Variants in TP63 observed in about 807,000 individuals in gnomAD.
The protein encoded by TP63 is tumor protein p63, also known as tumor protein 63.
A neutral mutation model predicts 82.8 loss-of-function variants in TP63; 17 were observed. That is an observed-to-expected ratio of 0.21 (90% CI 0.14 to 0.31). The LOEUF is 0.31. TP63 is among the 10% of genes least tolerant of loss of function. TP63 has a pLI of 1.00. For missense variants in TP63, 648 were observed against 895.3 expected (o/e 0.72, Z 3.52); for synonymous variants, 330 against 321.7 (o/e 1.03, Z -0.28).
chr3:189,717,200 G>A (rs1178420524), intron 1 of TP63, among the ~76,000 whole-genome samples: 1 of 152,066 alleles, frequency 6.6e-6, no homozygotes, highest in Non-Finnish European at 1.5e-5. Context: ...CACACACACA[G>A]TGTTTGCTGT....
At chr3:189,844,618 A>G (rs781204497) in intron 4 of TP63, among the ~76,000 whole-genome samples, 1 of 152,172 alleles carries the variant, frequency 6.6e-6, no homozygotes, top group Admixed American at 6.5e-5. Flanking sequence ...AAAAAATAAT[A>G]TCTTTCTCGA....
chr3:189,855,430 CTGTTT>C lies in TP63; in HGVS notation c.580-8800_580-8796del, dbSNP rs532932346. Among the ~76,000 whole-genome samples the C allele has an allele frequency of 2.2e-3, 334 of 152,222 alleles. 1 individual carries two copies. Among genetic ancestry groups the C allele is most frequent in the African/African-American group, 7.6e-3 (316 of 41,554 alleles). On this transcript the variant is annotated intron_variant, in intron 4 of 13. Transcript: ENST00000264731. The stretch of plus-strand genomic sequence containing the variant: ...TGAAATGTACATTGACTCAATTACT[CTGTTT>C]TAAGAGATCTATCTAAAGCCAATTT...
At chr3:189,851,253 T>A (rs925016196) in intron 4 of TP63, among the ~76,000 whole-genome samples, 2 of 152,194 alleles carry the variant, frequency 1.3e-5, no homozygotes, top group Non-Finnish European at 2.9e-5. Context: ...CGCAAAGCAG[T>A]CTGCCTTTAA....
upstream of TP63, among the ~76,000 whole-genome samples, chr3:189,628,448 T>C (rs976341467): frequency 6.6e-6 from 1 of 152,120 alleles, no homozygotes; most frequent in Non-Finnish European, 1.5e-5. Flanking sequence ...TGTTCTTGGC[T>C]CCTAGGAGTC....
intron 1 of TP63, among the ~76,000 whole-genome samples, chr3:189,730,359 G>C (rs1206177322): frequency 6.6e-6 from 1 of 152,050 alleles, no homozygotes; most frequent in South Asian, 2.1e-4. Flanking sequence ...CAATTTTCTG[G>C]TCATATCGTG....
chr3:189,844,114 CCTG>C, intron 4 of TP63: 1 of 304,538 alleles, frequency 3.3e-6, no homozygotes, highest in South Asian at 2.5e-5. Flanking sequence ...AACACATTGA[CCTG>C]ATGTTTATTA....
At chr3:189,868,058 G>T in intron 7 of TP63, 116 bp downstream of exon 7, 1 of 860,360 alleles carries the variant, frequency 1.2e-6, no homozygotes, top group South Asian at 1.4e-5. Context: ...CTTGTCCTTT[G>T]TGCTCTAAAT....
intron 1 of TP63, among the ~76,000 whole-genome samples, chr3:189,658,578 C>G (rs1296109487): frequency 1.3e-5 from 2 of 151,954 alleles, no homozygotes; most frequent in Non-Finnish European, 2.9e-5. Context: ...CCTTGGTTTT[C>G]TTTTAAAAAT....
chr3:189,615,180 A>T, the TP63 span, among the ~76,000 whole-genome samples: 2 of 152,194 alleles, frequency 1.3e-5, no homozygotes, highest in Admixed American at 1.3e-4. Flanking sequence ...TGGCTTCTGA[A>T]TATGTAAGAC....
chr3:189,643,208 C>T (rs865852528), intron 1 of TP63, among the ~76,000 whole-genome samples: 2 of 152,036 alleles, frequency 1.3e-5, no homozygotes, highest in Non-Finnish European at 2.9e-5. Flanking sequence ...GCCATGTTGG[C>T]CAGGCTGGTC....
intron 1 of TP63, among the ~76,000 whole-genome samples, chr3:189,654,289 G>A (rs1305597547): frequency 2.6e-5 from 4 of 150,944 alleles, no homozygotes; most frequent in African/African-American, 9.7e-5. Context: ...TAATCAAAAT[G>A]GCAGGACTCA....
At chr3:189,630,306 C>G (rs372256060), upstream of TP63, among the ~76,000 whole-genome samples, 2 of 151,842 alleles carry the variant, frequency 1.3e-5, no homozygotes, top group Non-Finnish European at 2.9e-5. Context: ...GTTTTTTTTC[C>G]CCCTGTTGGA....
At chr3:189,813,684 T>C (rs1727839085) in intron 4 of TP63, among the ~76,000 whole-genome samples, 1 of 152,118 alleles carries the variant, frequency 6.6e-6, no homozygotes, top group South Asian at 2.1e-4. Flanking sequence ...CTTTTTGCTG[T>C]TGTATCTTTC....
At chr3:189,758,542 A>G (rs1722351601) in intron 3 of TP63, among the ~76,000 whole-genome samples, 1 of 152,204 alleles carries the variant, frequency 6.6e-6, no homozygotes, top group Non-Finnish European at 1.5e-5. Context: ...CAAACCAGGC[A>G]CTTGATCTTT....
chr3:189,789,446 T>G (rs1724898812), intron 3 of TP63, among the ~76,000 whole-genome samples: 1 of 151,920 alleles, frequency 6.6e-6, no homozygotes. Flanking sequence ...GTTTTACCTG[T>G]CTGTCTCCTG....
chr3:189,853,824 T>C (rs184578310), intron 4 of TP63, among the ~76,000 whole-genome samples: 57 of 152,314 alleles, frequency 3.7e-4, no homozygotes, highest in African/African-American at 7.7e-4. Context: ...TCAATAAAAA[T>C]CAAATGTATT....
At chr3:189,790,898 G>A (rs1725067014) in intron 3 of TP63, among the ~76,000 whole-genome samples, 1 of 152,142 alleles carries the variant, frequency 6.6e-6, no homozygotes, top group Non-Finnish European at 1.5e-5. Flanking sequence ...AGCAGGGCCT[G>A]TGCTATCGTA....
Position 189,770,432 on chromosome 3 carries a change from G to A in TP63, c.324+31658G>A, listed in dbSNP as rs529632069. Among the ~76,000 whole-genome samples, 8 of 152,124 alleles carry A rather than the reference G, an allele frequency of 5.3e-5. No individual in the cohort carries two copies. In the East Asian group the frequency reaches 1.4e-3, roughly 26 times the overall value. ...ATACAAAAATTAGCCTGGCATGGTG[G>A]CACATGCCCATAATCCCAGCTGCTC... On this transcript the variant is annotated intron_variant, in intron 3 of 13. Coordinates refer to ENST00000264731, the MANE Select transcript of TP63 (RefSeq NM_003722.5).
chr3:189,690,604 A>T lies in TP63; in HGVS notation c.63-47136A>T, dbSNP rs977685087. On this transcript the variant is annotated intron_variant, in intron 1 of 13. Coordinates refer to ENST00000264731, the MANE Select transcript of TP63 (RefSeq NM_003722.5). Reference sequence around the variant, plus strand: ...CATTTATTTGAATTGGTCCTGGGTGATACCTGGCAGCTCAAGAACTGAGTG... The same window carrying T: ...CATTTATTTGAATTGGTCCTGGGTGTTACCTGGCAGCTCAAGAACTGAGTG... Among the ~76,000 whole-genome samples the T allele has an allele frequency of 1.2e-4, 19 of 152,212 alleles. 1 individual carries two copies.
Sources: gnomAD v4.1 joint callset for allele counts (sites outside exome capture counted in the v4.1 genomes callset) on GRCh38, gnomAD v4.1.1 for gene constraint, MANE v1.5 for transcripts, NCBI Gene and HGNC (gene_info 2026-07-23, HGNC 2026-07-21) for gene names.